Variants in CAMKK1 observed in about 807,000 individuals in gnomAD.
CAMKK1 encodes calcium/calmodulin-dependent protein kinase kinase 1.
CAMKK1 carries 20 observed loss-of-function variants against 63.5 expected under a neutral mutation model. That is an observed-to-expected ratio of 0.32 (90% confidence interval 0.22 to 0.46). The LOEUF (loss-of-function observed/expected upper bound fraction) is 0.46, where lower values mean the gene tolerates loss of function less well. CAMKK1 is among the 20% of genes least tolerant of loss of function. The probability of loss-of-function intolerance (pLI) is 1.00; values close to 1 mark genes in which losing one functional copy is unlikely to be tolerated. For missense variants in CAMKK1, 588 were observed against 658.1 expected, an observed-to-expected ratio of 0.89 and a Z score of 1.17; for synonymous variants, 253 against 269.0, an observed-to-expected ratio of 0.94 and a Z score of 0.58.
intron 14 of CAMKK1, among the ~76,000 whole-genome samples, chr17:3,867,703 C>T (rs184706852): frequency 6.4e-4 from 98 of 152,122 alleles, no homozygotes; most frequent in African/African-American, 2.1e-3. Context: ...CCAGCTGGGC[C>T]GGGACCCTGC....
chr17:3,873,247 G>T (rs2054975720), intron 11 of CAMKK1, among the ~76,000 whole-genome samples, 162 bp downstream of exon 11: 1 of 152,164 alleles, frequency 6.6e-6, no homozygotes. Context: ...GCTCCGCAGG[G>T]GACCAGAGAA....
At position 3,892,420 on chromosome 17, in the gene CAMKK1, C is replaced by G. The variant is rs1360477655; in HGVS notation, c.-44+519G>C. Among the ~76,000 whole-genome samples, 1 of 152,136 alleles carries G rather than the reference C, an allele frequency of 6.6e-6. No individual in the cohort carries two copies. The highest frequency in any genetic ancestry group is 2.4e-5 in the African/African-American group (1 of 41,426). On this transcript the variant is annotated intron_variant, in intron 1 of 15. Transcript: ENST00000348335. This position sits in a 1 kb window ranked among gnomAD's most constrained non-coding sequence, Gnocchi z 7.5. ...TCCCGGGCCCCGAAGCCGCAGCGCC[C>G]GCCTCTGCCGCCCCCTCTCGCCCCA...
intron 12 of CAMKK1, among the ~76,000 whole-genome samples, chr17:3,871,605 C>T (rs1193460016): frequency 2.0e-5 from 3 of 149,928 alleles, no homozygotes; most frequent in South Asian, 2.1e-4. Flanking sequence ...ATCCGCCCTC[C>T]TTGGCCTCCC....
Position 3,892,464 on chromosome 17 carries a change from G to C in CAMKK1, c.-44+475C>G, listed in dbSNP as rs1458761037. Among the ~76,000 whole-genome samples, 1 of 152,110 alleles carries C rather than the reference G, an allele frequency of 6.6e-6. No homozygotes were observed. Among genetic ancestry groups the C allele is most frequent in the African/African-American group, 2.4e-5 (1 of 41,416 alleles). On this transcript the variant is annotated intron_variant, in intron 1 of 15. Transcript: ENST00000348335. The surrounding 1 kb of genome is among the most constrained non-coding windows in gnomAD (Gnocchi z 7.5). ...CGCCCCAGCCAAGGCAGGACCCTGC[G>C]CAGCCTGAGCCGCGCGCCGCCGCCG... is the stretch of plus-strand genomic sequence containing the variant.
intron 9 of CAMKK1, 123 bp downstream of exon 9, chr17:3,880,223 C>T: frequency 1.2e-6 from 1 of 825,642 alleles, no homozygotes. Context: ...CCCACTCCCA[C>T]TGAAGCTGAT....
Position 3,884,232 on chromosome 17 carries a change from G to C in CAMKK1, c.408+148C>G. 4.8e-6 allele frequency: 4 copies of C among 835,228 alleles called. No homozygotes were observed. In the East Asian group the frequency reaches 7.3e-5, roughly 15 times the overall value. 51.7% of individuals were successfully genotyped at this position (835,228 alleles called of 1,614,324 possible). A position where few individuals can be genotyped will look rare whatever the true frequency, so the allele number is the denominator to read the frequency against. On this transcript the variant is annotated intron_variant, in intron 3 of 15. Coordinates refer to ENST00000348335, the MANE Select transcript of CAMKK1 (RefSeq NM_032294.3). The surrounding 1 kb of genome is among the most constrained non-coding windows in gnomAD (Gnocchi z 4.5). ...TCTTCCACCCTCCCCCTGGGTACCTGGGTACTTCCCACAGGGCACGAAACT... is the reference window on the plus strand; with the variant it reads ...TCTTCCACCCTCCCCCTGGGTACCTCGGTACTTCCCACAGGGCACGAAACT...
chr17:3,885,397 G>A lies in CAMKK1; in HGVS notation c.291C>T (p.Ser97=). Residue 97 remains serine (S), a synonymous_variant, in exon 2 of 16, where the codon AGC becomes AGT. Coordinates refer to ENST00000348335, the MANE Select transcript of CAMKK1 (RefSeq NM_032294.3). ...QAGPYATGPA[S]HISPRAWRRP... ...TCCGCCAGGCCCGGGGGGAGATGTG[G>A]CTGGCAGGCCCCGTGGCATAAGGCC... 2 of 1,611,534 alleles carry A rather than the reference G, an allele frequency of 1.2e-6. No individual in the cohort carries two copies. The highest frequency in any genetic ancestry group is 1.3e-5 in the African/African-American group (1 of 75,048).
rs138686375 is a variant in CAMKK1 at position 3,876,023 on chromosome 17, G to A, written c.996+200C>T. Among the ~76,000 whole-genome samples the A allele has an allele frequency of 1.5e-3, 234 of 152,308 alleles. 1 individual carries two copies. The highest frequency in any genetic ancestry group is 5.5e-3 in the African/African-American group (228 of 41,562). ...ACAGAGCAACCAACAGTAAATATCT[G>A]CAAGGGAGATTTGGGACCACTTTGC... On this transcript the variant is annotated intron_variant, in intron 10 of 15. Coordinates refer to ENST00000348335, the MANE Select transcript of CAMKK1 (RefSeq NM_032294.3).
chr17:3,891,694 T>A (rs56209057), intron 1 of CAMKK1, among the ~76,000 whole-genome samples: 47,171 of 151,984 alleles, frequency 0.31, 7,775 homozygotes, highest in East Asian at 0.52. Context: ...GATGGCTTCC[T>A]AGAGGAGGTG....
intron 14 of CAMKK1, 65 bp from the exon 15 acceptor site, chr17:3,866,076 C>T (rs1371741835): frequency 6.3e-5 from 99 of 1,574,942 alleles, no homozygotes; most frequent in Middle Eastern, 6.0e-4. Flanking sequence ...GCCTCTGCTC[C>T]GATTCCCCGA....
In CAMKK1 at chr17:3,889,487, G is replaced by C. The variant is rs1438725166; in HGVS notation, c.-44+3452C>G. On this transcript the variant is annotated intron_variant, in intron 1 of 15. Coordinates refer to ENST00000348335, the MANE Select transcript of CAMKK1 (RefSeq NM_032294.3). This position sits in a 1 kb window ranked among gnomAD's most constrained non-coding sequence, Gnocchi z 5.2. ...GATCTGCTGCCTCGGACAAGTCATCGAGCCTCTTGGAGCCTCTGTTTCCTA... is the reference window on the plus strand; with the variant it reads ...GATCTGCTGCCTCGGACAAGTCATCCAGCCTCTTGGAGCCTCTGTTTCCTA... Among the ~76,000 whole-genome samples the C allele has an allele frequency of 6.6e-6, 1 of 151,928 alleles. No homozygotes were observed.
chr17:3,872,468 G>A (rs1597458763), intron 12 of CAMKK1, 86 bp downstream of exon 12: 6 of 1,090,102 alleles, frequency 5.5e-6, no homozygotes, highest in Non-Finnish European at 8.4e-6. Context: ...GGCTGGGGTG[G>A]GGTCCTCAGA....
intron 14 of CAMKK1, among the ~76,000 whole-genome samples, chr17:3,866,923 G>A (rs1189798951): frequency 6.6e-6 from 1 of 152,122 alleles, no homozygotes; most frequent in Non-Finnish European, 1.5e-5. Context: ...GCTTCAGCAT[G>A]TTGGCCAGGC....
At chr17:3,864,040 C>T (rs2054416918) in intron 15 of CAMKK1, among the ~76,000 whole-genome samples, 1 of 151,778 alleles carries the variant, frequency 6.6e-6, no homozygotes, top group African/African-American at 2.4e-5. Context: ...GCAACCTCCA[C>T]CTCCCAGACT....
In CAMKK1 at chr17:3,887,280, G is replaced by A. The variant is rs1317812681; in HGVS notation, c.-43-1550C>T. Among the ~76,000 whole-genome samples the A allele has an allele frequency of 6.6e-6, 1 of 152,188 alleles. No homozygotes were observed. The highest frequency in any genetic ancestry group is 2.4e-5 in the African/African-American group (1 of 41,442). ...GGTTTGGAGGTAGACTGAGGGTAAG[G>A]GTGAGGTCCAGACCCCCTGTGCCCG... On this transcript the variant is annotated intron_variant, in intron 1 of 15. Transcript: ENST00000348335. The surrounding 1 kb of genome is among the most constrained non-coding windows in gnomAD (Gnocchi z 6.1).
intron 9 of CAMKK1, chr17:3,880,098 G>C (rs2055340211): frequency 1.9e-6 from 1 of 538,314 alleles, no homozygotes; most frequent in Middle Eastern, 4.9e-4. Context: ...ATACAGAACA[G>C]CCAGGACTCA....
intron 11 of CAMKK1, among the ~76,000 whole-genome samples, chr17:3,873,021 C>A (rs923007628): frequency 2.6e-5 from 4 of 152,200 alleles, no homozygotes; most frequent in African/African-American, 4.8e-5. Context: ...ATCACCGATA[C>A]GTCAGCGTTG....
intron 1 of CAMKK1, among the ~76,000 whole-genome samples, chr17:3,888,723 C>T (rs1011208806): frequency 3.9e-5 from 6 of 152,334 alleles, no homozygotes; most frequent in South Asian, 2.1e-4. Flanking sequence ...TCAGGCTCCC[C>T]ATCCCTCCCT....
Position 3,868,010 on chromosome 17 carries a change from C to A in CAMKK1, c.1341+1477G>T, listed in dbSNP as rs746198440. ...AGGCACCGTCTAACTGATACGCGGGCTCTGGGGGAGAAGCAGGCGCCGTCT... is the reference window on the plus strand; with the variant it reads ...AGGCACCGTCTAACTGATACGCGGGATCTGGGGGAGAAGCAGGCGCCGTCT... On this transcript the variant is annotated intron_variant, in intron 14 of 15. Transcript: ENST00000348335. Among the ~76,000 whole-genome samples, 336 of 110,616 alleles carry A rather than the reference C, an allele frequency of 3.0e-3. 36 individuals are homozygous for A. The highest frequency in any genetic ancestry group is 3.9e-3 in the Non-Finnish European group (215 of 54,692). 72.6% of individuals were successfully genotyped at this position (110,616 alleles called of 152,430 possible).
Sources: gnomAD v4.1 joint callset for allele counts (sites outside exome capture counted in the v4.1 genomes callset) on GRCh38, gnomAD v4.1.1 for gene constraint, Gnocchi (gnomAD v3.1) non-coding constraint, MANE v1.5 for transcripts, NCBI Gene and HGNC (gene_info 2026-07-23, HGNC 2026-07-21) for gene names.